FAT3: variants seen among roughly 807,000 people sequenced by gnomAD.
FAT3 encodes protocadherin Fat 3.
In FAT3, 95 loss-of-function variants were observed where a neutral mutation model predicts 310.2. That is an observed-to-expected ratio of 0.31 (90% CI 0.26 to 0.36). FAT3 has a LOEUF of 0.36. Among genes scored for constraint, FAT3 ranks in the 10% least tolerant of loss-of-function variants. FAT3 has a pLI of 1.00. For missense variants in FAT3, 5,408 were observed against 5,715.6 expected (o/e 0.95, Z 1.74); for synonymous variants, 2,314 against 2,192.9 (o/e 1.06, Z -1.54).
intron 4 of FAT3, among the ~76,000 whole-genome samples, chr11:92,719,150 G>A (rs1944780153): frequency 6.6e-6 from 1 of 152,138 alleles, no homozygotes; most frequent in South Asian, 2.1e-4. Context: ...CTCAGCACAT[G>A]GCTATCTATT....
intron 2 of FAT3, among the ~76,000 whole-genome samples, chr11:92,467,768 C>T (rs956170982): frequency 6.6e-6 from 1 of 152,146 alleles, no homozygotes; most frequent in Non-Finnish European, 1.5e-5. Context: ...AATAGCATTT[C>T]TGTTTTTGAA....
chr11:92,536,141 AGTGT>A (rs1288229725), intron 3 of FAT3, among the ~76,000 whole-genome samples: 1 of 152,146 alleles, frequency 6.6e-6, no homozygotes, highest in Non-Finnish European at 1.5e-5. Context: ...TTCTTATAAA[AGTGT>A]GTAAGTGTTT....
intron 13 of FAT3, 110 bp from the exon 14 acceptor site, chr11:92,831,512 T>A: frequency 1.1e-6 from 1 of 881,842 alleles, no homozygotes; most frequent in South Asian, 2.0e-5. Flanking sequence ...GTTTCTGTAA[T>A]AACTATTTTT....
At chr11:92,881,031 A>G in intron 23 of FAT3, 147 bp downstream of exon 23, 2 of 823,636 alleles carry the variant, frequency 2.4e-6, no homozygotes, top group Non-Finnish European at 3.8e-6. Flanking sequence ...GAGTGCTTAC[A>G]GGTGACTAAA....
chr11:92,706,465 A>G (rs1791549), intron 4 of FAT3, among the ~76,000 whole-genome samples: 87,152 of 151,818 alleles, frequency 0.57, 26,806 homozygotes, highest in African/African-American at 0.81. Context: ...TTCTCCTAAA[A>G]AGGCACTGCC....
At chr11:92,541,115 T>C (rs895251822) in intron 3 of FAT3, among the ~76,000 whole-genome samples, 1 of 152,182 alleles carries the variant, frequency 6.6e-6, no homozygotes, top group Non-Finnish European at 1.5e-5. Context: ...ATTTATTCGC[T>C]CAACATTCAG....
chr11:92,802,608 C>A (rs1330010246), intron 10 of FAT3, among the ~76,000 whole-genome samples: 2 of 152,130 alleles, frequency 1.3e-5, no homozygotes, highest in South Asian at 4.1e-4. Flanking sequence ...GGGGGGCAGG[C>A]GACCTTTAAC....
chr11:92,334,939 G>A (rs1948021287), intron 1 of FAT3, among the ~76,000 whole-genome samples: 1 of 152,164 alleles, frequency 6.6e-6, no homozygotes, highest in African/African-American at 2.4e-5. Flanking sequence ...GATTATACCT[G>A]TGGAAATTCT....
At chr11:92,435,522 T>C (rs200703789) in intron 2 of FAT3, among the ~76,000 whole-genome samples, 11 of 72,872 alleles carry the variant, frequency 1.5e-4, no homozygotes, top group South Asian at 5.4e-4. Context: ...TTCCTTCCTT[T>C]CTCTTTCTTT....
At chr11:92,642,244 G>C (rs1031641228) in intron 3 of FAT3, among the ~76,000 whole-genome samples, 1 of 152,206 alleles carries the variant, frequency 6.6e-6, no homozygotes, top group Non-Finnish European at 1.5e-5. Context: ...TCTTCACCCT[G>C]TGCTGTGATT....
intron 2 of FAT3, among the ~76,000 whole-genome samples, chr11:92,460,994 G>T (rs1951625453): frequency 1.3e-5 from 2 of 152,030 alleles, no homozygotes; most frequent in South Asian, 4.1e-4. Flanking sequence ...ATGTGTGAAG[G>T]GCCATGCCAT....
intron 2 of FAT3, among the ~76,000 whole-genome samples, chr11:92,461,630 T>C (rs1406138414): frequency 2.0e-5 from 3 of 151,976 alleles, no homozygotes; most frequent in Non-Finnish European, 2.9e-5. Context: ...GACCTCCAAG[T>C]AGAGGACACT....
At position 92,844,126 on chromosome 11, in the gene FAT3, G is replaced by A. The variant is rs1948620223; in HGVS notation, c.10759G>A (p.Ala3587Thr). 2.0e-5 allele frequency: 33 copies of A among 1,613,994 alleles called. No homozygotes were observed. The highest frequency in any genetic ancestry group is 2.8e-5 in the Non-Finnish European group (33 of 1,179,902). The change falls in exon 19 of 28, where the codon GCC becomes ACC. Residue 3587 changes from alanine (A) to threonine (T), a missense_variant. Ala to Thr is a moderately conservative substitution (Grantham distance 58). Transcript: ENST00000525166. The stretch of plus-strand genomic sequence containing the variant: ...AGACATGTATGATGTGCTCACATTT[G>A]CCCTGAAATCGGAGCAGAAAAGCTT... ...DQDMYDVLTF[A>T]LKSEQKSLFK...
intron 2 of FAT3, among the ~76,000 whole-genome samples, chr11:92,420,941 A>C (rs1950521756): frequency 6.6e-6 from 1 of 152,152 alleles, no homozygotes. Flanking sequence ...TACTTCTATG[A>C]ATGGTATTTT....
intron 3 of FAT3, among the ~76,000 whole-genome samples, chr11:92,668,338 G>C (rs942052106): frequency 2.0e-5 from 3 of 152,190 alleles, no homozygotes; most frequent in African/African-American, 7.2e-5. Flanking sequence ...ACATAAAATA[G>C]AAGACACAAA....
chr11:92,601,588 CTG>C (rs895487448), intron 3 of FAT3, among the ~76,000 whole-genome samples: 1 of 152,016 alleles, frequency 6.6e-6, no homozygotes, highest in East Asian at 1.9e-4. Context: ...CCGAGTAAGA[CTG>C]TGTCTCAAAA....
intron 1 of FAT3, among the ~76,000 whole-genome samples, chr11:92,333,998 C>T (rs536547434): frequency 6.6e-6 from 1 of 152,044 alleles, no homozygotes; most frequent in South Asian, 2.1e-4. Context: ...AATTGGTAAG[C>T]AATGTAGTTA....
intron 20 of FAT3, among the ~76,000 whole-genome samples, chr11:92,858,141 T>C (rs1018939340): frequency 1.3e-5 from 2 of 152,188 alleles, no homozygotes; most frequent in Admixed American, 1.3e-4. Context: ...TTTGCAAGCA[T>C]TGAGTTCTAG....
At chr11:92,593,184 A>C (rs1359818715) in intron 3 of FAT3, among the ~76,000 whole-genome samples, 1 of 130,092 alleles carries the variant, frequency 7.7e-6, no homozygotes. Flanking sequence ...TGTGCATACC[A>C]CATTTTTTTT....
Sources: allele counts gnomAD v4.1 joint callset (sites outside exome capture counted in the v4.1 genomes callset), GRCh38; gene constraint gnomAD v4.1.1; transcripts MANE v1.5; gene names NCBI Gene and HGNC (gene_info 2026-07-23, HGNC 2026-07-21).